The following CNTNAP2 variants were observed in gnomAD, a reference collection of about 807,000 sequenced individuals.
The protein encoded by CNTNAP2 is contactin-associated protein-like 2.
A neutral mutation model predicts 155.2 loss-of-function variants in CNTNAP2; 98 were observed. That is an observed-to-expected ratio of 0.63 (90% confidence interval 0.54 to 0.75). CNTNAP2 has a LOEUF of 0.75. Among genes scored for constraint, CNTNAP2 ranks in the 30% least tolerant of loss-of-function variants. The pLI, the probability that CNTNAP2 is intolerant of heterozygous loss-of-function variation, is 0.00. For synonymous variants in CNTNAP2, 651 were observed against 631.2 expected (o/e 1.03, Z -0.47); for missense variants, 1,727 against 1,688.1 (o/e 1.02, Z -0.40).
chr7:147,587,011 A>C (rs1800641354), intron 12 of CNTNAP2, among the ~76,000 whole-genome samples: 1 of 152,168 alleles, frequency 6.6e-6, no homozygotes, highest in Non-Finnish European at 1.5e-5. Flanking sequence ...AATTGAGTAG[A>C]TACTGGCAAC....
intron 9 of CNTNAP2, among the ~76,000 whole-genome samples, chr7:147,338,812 G>T (rs1345887991): frequency 6.6e-6 from 1 of 151,752 alleles, no homozygotes; most frequent in Non-Finnish European, 1.5e-5. Flanking sequence ...ATACACATGT[G>T]TATGTAGATA....
At chr7:147,422,103 GTA>G (rs3050514) in intron 10 of CNTNAP2, among the ~76,000 whole-genome samples, 43 of 138,946 alleles carry the variant, frequency 3.1e-4, no homozygotes, top group African/African-American at 4.1e-4. Context: ...TATATATACA[GTA>G]TATATATATA....
intron 4 of CNTNAP2, among the ~76,000 whole-genome samples, chr7:147,067,152 A>G (rs970474414): frequency 9.9e-5 from 15 of 152,102 alleles, no homozygotes; most frequent in Admixed American, 3.9e-4. Flanking sequence ...TTAGCCGGGC[A>G]TGGTGGCACA....
intron 2 of CNTNAP2, among the ~76,000 whole-genome samples, chr7:146,810,508 C>G (rs1173203454): frequency 2.0e-5 from 3 of 151,858 alleles, no homozygotes; most frequent in Non-Finnish European, 4.4e-5. Context: ...GTATCTGCAA[C>G]TTTACTGATT....
At chr7:148,062,839 T>C (rs1263734355) in intron 15 of CNTNAP2, among the ~76,000 whole-genome samples, 1 of 152,088 alleles carries the variant, frequency 6.6e-6, no homozygotes, top group Non-Finnish European at 1.5e-5. Flanking sequence ...CTTGAAGTTA[T>C]AGTAGGGAGG....
intron 3 of CNTNAP2, among the ~76,000 whole-genome samples, chr7:146,848,731 G>A (rs182776516): frequency 5.2e-4 from 79 of 152,152 alleles, no homozygotes; most frequent in Admixed American, 3.5e-3. Flanking sequence ...AAATAACTGC[G>A]TTTTTCCTGA....
At chr7:148,277,054 G>A (rs533423739) in intron 21 of CNTNAP2, among the ~76,000 whole-genome samples, 7 of 152,298 alleles carry the variant, frequency 4.6e-5, no homozygotes, top group South Asian at 2.1e-4. Flanking sequence ...GTTTCTCGAA[G>A]AGCCTTTCCC....
At chr7:147,531,249 C>G (rs1372296990) in intron 11 of CNTNAP2, among the ~76,000 whole-genome samples, 1 of 152,162 alleles carries the variant, frequency 6.6e-6, no homozygotes, top group Non-Finnish European at 1.5e-5. Context: ...GATGGTGGCC[C>G]TCTTCTTACA....
rs1289749322 is a variant in CNTNAP2, at chr7:146,264,846, C to G, written c.97+147873C>G. Among the ~76,000 whole-genome samples, 4 of 152,150 alleles carry G rather than the reference C, an allele frequency of 2.6e-5. No individual in the cohort carries two copies. In the East Asian group the frequency reaches 7.7e-4, roughly 29 times the overall value. On this transcript the variant is annotated intron_variant, in intron 1 of 23. Transcript: ENST00000361727. The stretch of plus-strand genomic sequence containing the variant: ...TAGGGGGATCGCAGCCTATGATGCT[C>G]CAAATGCTACTGCCAAATGACAGCC...
chr7:147,166,231 G>T (rs1802110593), intron 8 of CNTNAP2, among the ~76,000 whole-genome samples: 1 of 152,078 alleles, frequency 6.6e-6, no homozygotes, highest in Non-Finnish European at 1.5e-5. Context: ...ATTAATTAAT[G>T]GCACTCACAG....
At chr7:147,568,751 C>A (rs986379600) in intron 12 of CNTNAP2, among the ~76,000 whole-genome samples, 1 of 152,068 alleles carries the variant, frequency 6.6e-6, no homozygotes, top group South Asian at 2.1e-4. Context: ...TACCAGCATC[C>A]TCTCCCTAGA....
intron 16 of CNTNAP2, among the ~76,000 whole-genome samples, chr7:148,138,210 T>C (rs1015391128): frequency 6.6e-6 from 1 of 152,212 alleles, no homozygotes; most frequent in African/African-American, 2.4e-5. Context: ...GAGTTCATCT[T>C]TGGCTTTTCC....
intron 8 of CNTNAP2, among the ~76,000 whole-genome samples, chr7:147,157,990 C>A (rs1007201000): frequency 6.6e-6 from 1 of 151,952 alleles, no homozygotes; most frequent in African/African-American, 2.4e-5. Flanking sequence ...TCAGCAATAA[C>A]AAAAACAATT....
At chr7:147,320,002 A>G (rs1280610029) in intron 9 of CNTNAP2, among the ~76,000 whole-genome samples, 1 of 152,216 alleles carries the variant, frequency 6.6e-6, no homozygotes, top group Non-Finnish European at 1.5e-5. Context: ...CATAGGCAAT[A>G]CAAAAATAAA....
chr7:147,888,944 G>T (rs552178208), intron 13 of CNTNAP2, among the ~76,000 whole-genome samples: 1 of 152,082 alleles, frequency 6.6e-6, no homozygotes, highest in South Asian at 2.1e-4. Flanking sequence ...ACAATATTGA[G>T]CAATAAACTT....
intron 8 of CNTNAP2, among the ~76,000 whole-genome samples, chr7:147,207,094 A>G (rs1803037804): frequency 6.6e-6 from 1 of 152,194 alleles, no homozygotes; most frequent in African/African-American, 2.4e-5. Flanking sequence ...CACCTTCAAA[A>G]TTCTGCTGAA....
At chr7:148,136,744 C>T (rs772562651) in intron 16 of CNTNAP2, among the ~76,000 whole-genome samples, 3 of 152,060 alleles carry the variant, frequency 2.0e-5, no homozygotes, top group Non-Finnish European at 4.4e-5. Context: ...ACTGTTCTCT[C>T]GATGGAGCTA....
intron 8 of CNTNAP2, among the ~76,000 whole-genome samples, chr7:147,291,315 C>G (rs534957392): frequency 2.0e-5 from 3 of 152,096 alleles, no homozygotes; most frequent in Admixed American, 6.6e-5. Context: ...TGCTCTCCCT[C>G]CCCTTTCCCC....
chr7:146,782,522 T>G (rs894742255), intron 2 of CNTNAP2, among the ~76,000 whole-genome samples: 46 of 152,200 alleles, frequency 3.0e-4, no homozygotes, highest in Admixed American at 3.0e-3. Flanking sequence ...TAGCAAATTA[T>G]TTAAATGTAT....
Sources: gnomAD v4.1 joint callset for allele counts (sites outside exome capture counted in the v4.1 genomes callset) on GRCh38, gnomAD v4.1.1 for gene constraint, MANE v1.5 for transcripts, NCBI Gene and HGNC (gene_info 2026-07-23, HGNC 2026-07-21) for gene names.